Variants in LRRTM2 observed in about 807,000 individuals in gnomAD.
The protein encoded by LRRTM2 is leucine rich repeat transmembrane neuronal 2.
In LRRTM2, 14 loss-of-function variants were observed where a neutral mutation model predicts 40.7. The ratio of observed to expected loss-of-function variants is 0.34; its 90% CI spans 0.23 to 0.54. The LOEUF is 0.54. Ranked by LOEUF, LRRTM2 falls within the 20% of genes least tolerant of loss-of-function variation. The pLI is 0.92. For synonymous variants in LRRTM2, 223 were observed against 237.6 expected (o/e 0.94, Z 0.57); for missense variants, 468 against 624.4 (o/e 0.75, Z 2.67).
rs1385406194 is a variant in LRRTM2, at chr5:138,868,977, TTA to T, written c.*4031_*4032del. 1 of 151,996 alleles carries T rather than the reference TTA, an allele frequency of 6.6e-6. No homozygotes were observed. The highest frequency in any genetic ancestry group is 6.6e-5 in the Admixed American group (1 of 15,252). The allele number at this position is 151,996 out of a possible 1,614,324, so 9.4% of individuals were successfully genotyped here. ...ACAAAACTTGCCTGTACACTGCTCT[TTA>T]TGTTACCCTCCCCCCTCCCAAAACA... On this transcript the variant is annotated 3_prime_UTR_variant, in exon 2 of 2. Transcript: ENST00000274711.
chr5:138,872,024 G>A lies in LRRTM2; in HGVS notation c.*986C>T, dbSNP rs1750690678. On this transcript the variant is annotated 3_prime_UTR_variant, in exon 2 of 2. Transcript: ENST00000274711. ...TCATGATAGTTGAGAGAGAGAGCGC[G>A]AGAGTGTGTGTGTGTGTGTGTGTGT... 1 of 122,294 alleles carries A rather than the reference G, an allele frequency of 8.2e-6. No individual in the cohort carries two copies. The highest frequency in any genetic ancestry group is 1.7e-5 in the Non-Finnish European group (1 of 59,634). The allele number at this position is 122,294 out of a possible 1,614,324, so 7.6% of individuals were successfully genotyped here.
Sources: gnomAD v4.1 joint callset for allele counts on GRCh38, gnomAD v4.1.1 for gene constraint, MANE v1.5 for transcripts, NCBI Gene and HGNC (gene_info 2026-07-23, HGNC 2026-07-21) for gene names.